Variants in MCM10 observed in about 807,000 individuals in gnomAD.
The protein encoded by MCM10 is protein MCM10 homolog.
A neutral mutation model predicts 109.9 loss-of-function variants in MCM10; 91 were observed. The ratio of observed to expected loss-of-function variants is 0.83; its 90% CI spans 0.70 to 0.99. MCM10 has a LOEUF of 0.99. Ranked by LOEUF, MCM10 falls within the 50% of genes least tolerant of loss-of-function variation. The pLI is 0.00. For synonymous variants in MCM10, 380 were observed against 387.2 expected, an observed-to-expected ratio of 0.98 and a Z score of 0.22; for missense variants, 1,077 against 1,061.2, an observed-to-expected ratio of 1.01 and a Z score of -0.21.
chr10:13,186,178 C>G lies in MCM10; in HGVS notation c.1113C>G (p.Ile371Met), dbSNP rs61755071. ...TTTTCTTACAGGTGTGTTTATCTAT[C>G]GATCATCCTCAGAAGGTCTTAATTA... ...KDGSEEVCLS[I>M]DHPQKVLIMG... Residue 371 changes from isoleucine to methionine, a missense_variant, in exon 9 of 20, where the codon ATC (isoleucine) becomes ATG (methionine). Transcript: ENST00000378714. 2 of 1,608,668 alleles carry G rather than the reference C, an allele frequency of 1.2e-6. No individual in the cohort carries two copies. Among genetic ancestry groups the G allele is most frequent in the Admixed American group, 1.7e-5 (1 of 59,868 alleles).
chr10:13,204,465 A>G, intron 18 of MCM10, 101 bp downstream of exon 18: 1 of 1,412,372 alleles, frequency 7.1e-7, no homozygotes, highest in Admixed American at 1.9e-5. Context: ...TGATCATTCC[A>G]TGCCTTCCTA....
Position 13,164,115 on chromosome 10 carries a change from T to C in MCM10, c.-75-13T>C. The C allele has an allele frequency of 8.6e-7, 1 of 1,159,122 alleles. No individual in the cohort carries two copies. The highest frequency in any genetic ancestry group is 1.2e-6 in the Non-Finnish European group (1 of 823,760). The allele number at this position is 1,159,122 out of a possible 1,614,324, so 71.8% of individuals were successfully genotyped here. A position where few individuals can be genotyped will look rare whatever the true frequency, so the allele number is the denominator to read the frequency against. ...GAATTGAAAGTGACATTTCTAATAT[T>C]GCTTTCACACAGCCAAGATTCTACA... On this transcript the variant is annotated splice_polypyrimidine_tract_variant and intron_variant, in intron 1 of 19. Coordinates refer to ENST00000378714, the MANE Select transcript of MCM10 (RefSeq NM_018518.5).
chr10:13,208,675 GC>G (rs1184671593), intron 18 of MCM10, among the ~76,000 whole-genome samples: 1 of 151,946 alleles, frequency 6.6e-6, no homozygotes, highest in Non-Finnish European at 1.5e-5. Flanking sequence ...TCCTTTCTTA[GC>G]TCAACCTTTT....
chr10:13,198,555 G>A, intron 15 of MCM10, 134 bp from the exon 16 acceptor site: 1 of 655,870 alleles, frequency 1.5e-6, no homozygotes, highest in Non-Finnish European at 2.7e-6. Context: ...TCCCTGCTGG[G>A]ACCAGCGGGG....
chr10:13,178,392 T>C (rs1165896606), intron 6 of MCM10, among the ~76,000 whole-genome samples: 1 of 152,214 alleles, frequency 6.6e-6, no homozygotes, highest in African/African-American at 2.4e-5. Context: ...CCCAGCCTCT[T>C]GAATACATTT....
At position 13,201,070 on chromosome 10, in the gene MCM10, A is replaced by C. The variant is rs140324631; in HGVS notation, c.2239-351A>C. Reference sequence around the variant, plus strand: ...TGGTGCAGGAGAATCACTTGAACCCAGGAGGTAGAGGTTGCAGTAAGGTAG... The same window carrying C: ...TGGTGCAGGAGAATCACTTGAACCCCGGAGGTAGAGGTTGCAGTAAGGTAG... On this transcript the variant is annotated intron_variant, in intron 16 of 19. Coordinates refer to ENST00000378714, the MANE Select transcript of MCM10 (RefSeq NM_018518.5). Among the ~76,000 whole-genome samples the C allele has an allele frequency of 3.5e-3, 538 of 152,304 alleles. 2 individuals are homozygous for C. The highest frequency in any genetic ancestry group is 0.012 in the African/African-American group (510 of 41,568).
At chr10:13,183,861 T>G (rs983978261) in intron 8 of MCM10, among the ~76,000 whole-genome samples, 7 of 152,116 alleles carry the variant, frequency 4.6e-5, no homozygotes, top group East Asian at 3.9e-4. Context: ...ATTTTTGTGG[T>G]TTTTTTGTGT....
In MCM10 at chr10:13,197,680, A is replaced by G. The variant is rs894718728; in HGVS notation, c.2032A>G (p.Asn678Asp). The G allele has an allele frequency of 1.9e-6, 3 of 1,613,968 alleles. No individual in the cohort carries two copies. The highest frequency in any genetic ancestry group is 2.5e-6 in the Non-Finnish European group (3 of 1,180,004). ...KGQVLTKTNP[N>D]SIKKKQKDPQ... ...CCAGGTTCTTACAAAAACAAACCCAAACAGCATTAAGAAGAAACAAAAGGA... is the reference window on the plus strand; with the variant it reads ...CCAGGTTCTTACAAAAACAAACCCAGACAGCATTAAGAAGAAACAAAAGGA... The change falls in exon 15 of 20, where the codon AAC becomes GAC. Residue 678 changes from asparagine to aspartate, a missense_variant. Physicochemically the swap from Asn to Asp is conservative, Grantham distance 23. Transcript: ENST00000378714.
chr10:13,196,674 G>T (rs1196456931), intron 14 of MCM10, among the ~76,000 whole-genome samples: 1 of 151,942 alleles, frequency 6.6e-6, no homozygotes, highest in Non-Finnish European at 1.5e-5. Context: ...CACCATGCCT[G>T]ACTAATTTTT....
chr10:13,203,428 C>T (rs566390001), intron 17 of MCM10, among the ~76,000 whole-genome samples: 124 of 152,252 alleles, frequency 8.1e-4, no homozygotes, highest in Middle Eastern at 3.4e-3. Context: ...TCTCCCTATC[C>T]ATTAGCAACC....
intron 5 of MCM10, among the ~76,000 whole-genome samples, chr10:13,174,859 T>C (rs142547256): frequency 5.9e-5 from 9 of 152,268 alleles, no homozygotes; most frequent in African/African-American, 1.9e-4. Context: ...CCGGGGGCGG[T>C]GGTTCATGCC....
At chr10:13,206,713 C>T (rs1588482089) in intron 18 of MCM10, among the ~76,000 whole-genome samples, 1 of 151,126 alleles carries the variant, frequency 6.6e-6, no homozygotes, top group East Asian at 1.9e-4. Context: ...GTACAGGGCA[C>T]AAATGGAAGG....
rs1011600982 is a variant in MCM10, at chr10:13,177,306, T to G, written c.764+1625T>G. Among the ~76,000 whole-genome samples the G allele has an allele frequency of 3.3e-5, 5 of 152,310 alleles. No homozygotes were observed. In the South Asian group the frequency reaches 6.2e-4, roughly 19 times the overall value. ...CTTAAAAATACTCTAAAGGACATAT[T>G]AATAGAAATTCCCCGACACAGGTCG... On this transcript the variant is annotated intron_variant, in intron 6 of 19. Coordinates refer to ENST00000378714, the MANE Select transcript of MCM10 (RefSeq NM_018518.5).
At chr10:13,189,396 C>T (rs1834318819) in intron 10 of MCM10, among the ~76,000 whole-genome samples, 1 of 151,534 alleles carries the variant, frequency 6.6e-6, no homozygotes, top group African/African-American at 2.4e-5. Context: ...AGTCTCAGCT[C>T]ACTGCAACCT....
At chr10:13,194,978 G>C (rs974335710) in intron 13 of MCM10, 63 bp from the exon 14 acceptor site, 7 of 1,489,298 alleles carry the variant, frequency 4.7e-6, no homozygotes, top group Non-Finnish European at 5.5e-6. Context: ...AGTCCACTTT[G>C]AGTTCTAGAG....
intron 13 of MCM10, among the ~76,000 whole-genome samples, chr10:13,193,777 C>T (rs534572254): frequency 9.2e-5 from 14 of 152,134 alleles, no homozygotes; most frequent in Admixed American, 7.9e-4. Flanking sequence ...TTGGGGGCCT[C>T]GTGGGAAATA....
At chr10:13,207,274 A>G (rs1480992997) in intron 18 of MCM10, among the ~76,000 whole-genome samples, 2 of 152,232 alleles carry the variant, frequency 1.3e-5, no homozygotes, top group Admixed American at 1.3e-4. Flanking sequence ...GTGTTCAAAT[A>G]AAACTTTATT....
Position 13,204,222 on chromosome 10 carries a change from G to T in MCM10, c.2356G>T (p.Ala786Ser). The T allele has an allele frequency of 1.2e-6, 2 of 1,613,968 alleles. No homozygotes were observed. The highest frequency in any genetic ancestry group is 1.7e-6 in the Non-Finnish European group (2 of 1,179,966). Residue 786 changes from alanine to serine, a missense_variant, in exon 18 of 20, where the codon GCC becomes TCC. Transcript: ENST00000378714. ...GGTTTTTTGTTGCTCTGTGCAGTGC[G>T]CCTATACCCACTTCAAGCTGCTGGA... ...KCRVVTCKTC[A>S]YTHFKLLETC... is the part of the protein sequence containing the mutation.
At chr10:13,207,050 T>C (rs1327633869) in intron 18 of MCM10, among the ~76,000 whole-genome samples, 3 of 152,182 alleles carry the variant, frequency 2.0e-5, no homozygotes, top group Non-Finnish European at 4.4e-5. Context: ...TGGGCTCAAG[T>C]GGGCTCAGCT....
Sources: allele counts gnomAD v4.1 joint callset (sites outside exome capture counted in the v4.1 genomes callset), GRCh38; gene constraint gnomAD v4.1.1; transcripts MANE v1.5; gene names NCBI Gene and HGNC (gene_info 2026-07-23, HGNC 2026-07-21).